Variants in ADGRL3 observed in about 807,000 individuals in gnomAD.
ADGRL3 encodes calcium-independent alpha-latrotoxin receptor 3.
In ADGRL3, 62 loss-of-function variants were observed where a neutral mutation model predicts 153.5. That is an observed-to-expected ratio of 0.40 (90% confidence interval 0.33 to 0.50). The LOEUF (loss-of-function observed/expected upper bound fraction) is 0.50, where lower values mean the gene tolerates loss of function less well. Ranked by LOEUF, ADGRL3 falls within the 20% of genes least tolerant of loss-of-function variation. The pLI is 0.47. For missense variants in ADGRL3, 1,641 were observed against 1,859.4 expected (o/e 0.88, Z 2.16); for synonymous variants, 710 against 672.5 (o/e 1.06, Z -0.86).
rs193219868 is a variant in ADGRL3 at position 61,861,140 on chromosome 4, C to A, written c.1481-31516C>A. Among the ~76,000 whole-genome samples the A allele has an allele frequency of 4.2e-3, 639 of 152,146 alleles. 4 individuals carry two copies. Among genetic ancestry groups the A allele is most frequent in the Non-Finnish European group, 6.4e-3 (438 of 67,998 alleles). On this transcript the variant is annotated intron_variant, in intron 9 of 26. Transcript: ENST00000683033. Reference sequence around the variant, plus strand: ...ATTAAGAAAACCAATTTCAGGATTACCAGGGAAGGACCAGGGAAAGCTGAG... The same window carrying A: ...ATTAAGAAAACCAATTTCAGGATTAACAGGGAAGGACCAGGGAAAGCTGAG...
intron 1 of ADGRL3, among the ~76,000 whole-genome samples, chr4:61,312,082 T>G (rs998585531): frequency 2.0e-5 from 3 of 152,066 alleles, no homozygotes; most frequent in Non-Finnish European, 2.9e-5. Flanking sequence ...AAAAAATAAA[T>G]GGAACAAAAT....
At chr4:61,245,918 A>C (rs1478259030) in intron 1 of ADGRL3, among the ~76,000 whole-genome samples, 1 of 151,686 alleles carries the variant, frequency 6.6e-6, no homozygotes, top group African/African-American at 2.4e-5. Flanking sequence ...CTTCGTCTTT[A>C]TTTTCTTTTA....
intron 8 of ADGRL3, among the ~76,000 whole-genome samples, chr4:61,745,449 C>A (rs896207164): frequency 6.6e-6 from 1 of 152,090 alleles, no homozygotes; most frequent in African/African-American, 2.4e-5. Context: ...ATGTTAAGGG[C>A]AGCCAGAAAG....
rs2098712406 is a variant in ADGRL3, at chr4:61,909,589, T to G, written c.1917T>G (p.Ile639Met). 1 of 1,613,356 alleles carries G rather than the reference T, an allele frequency of 6.2e-7. No individual in the cohort carries two copies. The highest frequency in any genetic ancestry group is 1.3e-5 in the African/African-American group (1 of 74,914). Residue 639 changes from isoleucine to methionine, a missense_variant, in exon 12 of 27, where the codon ATT (isoleucine) becomes ATG (methionine). Ile to Met is a conservative substitution (Grantham distance 10). This residue lies in a region of ADGRL3 where 734 missense variants were observed against 797.0 expected (regional missense o/e 0.92). Coordinates refer to ENST00000683033, the MANE Select transcript of ADGRL3 (RefSeq NM_001387552.1). ...AATCTGGTGAAACAGCTGCCAACAT[T>G]GCTAGAGAGCTGGCTGAACAGACAA... ...KLKSGETAANIARELAEQTRN... is the reference protein window; with the variant it reads ...KLKSGETAANMARELAEQTRN...
intron 9 of ADGRL3, among the ~76,000 whole-genome samples, chr4:61,852,456 A>C (rs1225063155): frequency 1.3e-5 from 2 of 152,098 alleles, no homozygotes; most frequent in Admixed American, 1.3e-4. Context: ...CTGGGATTAC[A>C]GGCATGTGCC....
intron 5 of ADGRL3, among the ~76,000 whole-genome samples, chr4:61,597,879 A>C (rs1234593380): frequency 6.6e-6 from 1 of 152,102 alleles, no homozygotes; most frequent in Admixed American, 6.6e-5. Context: ...TGGCATAAAA[A>C]TACCTATGGC....
chr4:61,723,678 C>T (rs1455155427), intron 6 of ADGRL3, among the ~76,000 whole-genome samples: 1 of 152,086 alleles, frequency 6.6e-6, no homozygotes, highest in Non-Finnish European at 1.5e-5. Flanking sequence ...GCAGCCATGA[C>T]ACCTGGCGTA....
intron 9 of ADGRL3, among the ~76,000 whole-genome samples, chr4:61,844,576 A>AAAAAAAATATATG (rs2098089494): frequency 2.1e-4 from 2 of 9,462 alleles, no homozygotes; most frequent in African/African-American, 2.9e-4. Context: ...AAAAAAAAAA[A>AAAAAAAATATATG]TATATATATA....
At chr4:61,978,466 T>G (rs2150785231) in intron 17 of ADGRL3, among the ~76,000 whole-genome samples, 1 of 152,314 alleles carries the variant, frequency 6.6e-6, no homozygotes, top group South Asian at 2.1e-4. Context: ...TTATCTATTC[T>G]GCTACTGATA....
chr4:61,415,656 C>T (rs1160356293), intron 2 of ADGRL3, among the ~76,000 whole-genome samples: 1 of 152,004 alleles, frequency 6.6e-6, no homozygotes, highest in Non-Finnish European at 1.5e-5. Flanking sequence ...CCAATTTTCC[C>T]TATTCTGTCA....
At chr4:61,588,814 T>C (rs2098957317) in intron 5 of ADGRL3, among the ~76,000 whole-genome samples, 1 of 152,012 alleles carries the variant, frequency 6.6e-6, no homozygotes, top group South Asian at 2.1e-4. Context: ...TTTCTATGAG[T>C]AGTATGCAGT....
At chr4:61,862,478 G>A (rs1227296112) in intron 9 of ADGRL3, among the ~76,000 whole-genome samples, 1 of 152,150 alleles carries the variant, frequency 6.6e-6, no homozygotes, top group East Asian at 1.9e-4. Context: ...AAGGAGATGG[G>A]ACCGGGATAT....
chr4:62,051,861 T>C (rs747413124), intron 25 of ADGRL3, among the ~76,000 whole-genome samples: 15 of 151,740 alleles, frequency 9.9e-5, no homozygotes, highest in Non-Finnish European at 1.9e-4. Flanking sequence ...CTCTAAAATA[T>C]TACTATTTGT....
At chr4:61,737,068 T>G (rs1580526510) in intron 8 of ADGRL3, among the ~76,000 whole-genome samples, 1 of 151,508 alleles carries the variant, frequency 6.6e-6, no homozygotes, top group South Asian at 2.1e-4. Context: ...TAAATTACAT[T>G]GACTTTTTTT....
At chr4:61,492,766 C>T (rs1469248101) in intron 2 of ADGRL3, among the ~76,000 whole-genome samples, 1 of 151,846 alleles carries the variant, frequency 6.6e-6, no homozygotes, top group Non-Finnish European at 1.5e-5. Context: ...AGGAAGTTTC[C>T]AAGTAGTTGA....
chr4:61,984,194 C>T (rs2099077905), intron 19 of ADGRL3, among the ~76,000 whole-genome samples: 1 of 152,098 alleles, frequency 6.6e-6, no homozygotes, highest in East Asian at 1.9e-4. Flanking sequence ...AATCTACATA[C>T]ATGTAACAGT....
intron 1 of ADGRL3, among the ~76,000 whole-genome samples, chr4:61,335,330 A>G (rs1361638690): frequency 6.6e-6 from 1 of 152,182 alleles, no homozygotes; most frequent in African/African-American, 2.4e-5. Flanking sequence ...TTCAGGTTTT[A>G]AAGAAATACC....
intron 17 of ADGRL3, among the ~76,000 whole-genome samples, chr4:61,976,426 A>C (rs377094538): frequency 2.6e-5 from 4 of 152,150 alleles, no homozygotes; most frequent in East Asian, 3.9e-4. Flanking sequence ...TGTCCACTTG[A>C]TATGGTTTGG....
intron 2 of ADGRL3, among the ~76,000 whole-genome samples, chr4:61,464,846 G>A (rs1169513375): frequency 1.3e-5 from 2 of 152,142 alleles, no homozygotes; most frequent in Non-Finnish European, 2.9e-5. Context: ...CCTCTTCTCA[G>A]TCAATGGGTT....
Sources: gnomAD v4.1 joint callset for allele counts (sites outside exome capture counted in the v4.1 genomes callset) on GRCh38, gnomAD v4.1.1 for gene constraint, gnomAD v4.1.1 regional missense constraint, MANE v1.5 for transcripts, NCBI Gene and HGNC (gene_info 2026-07-23, HGNC 2026-07-21) for gene names.